The following GIGYF2 variants were observed in gnomAD, a reference collection of about 807,000 sequenced individuals.
The protein encoded by GIGYF2 is GRB10 interacting GYF protein 2.
Under a neutral mutation model 208.1 loss-of-function variants are expected in GIGYF2, and 25 were observed. The observed-to-expected ratio is 0.12, with a 90% CI of 0.09 to 0.17. The LOEUF is 0.17. Among genes scored for constraint, GIGYF2 ranks in the 10% least tolerant of loss-of-function variants. The pLI, the probability that GIGYF2 is intolerant of heterozygous loss-of-function variation, is 1.00. For missense variants in GIGYF2, 1,302 were observed against 1,579.4 expected (o/e 0.82, Z 2.98); for synonymous variants, 534 against 543.8 (o/e 0.98, Z 0.25).
chr2:232,761,191 A>G (rs1698728956), intron 7 of GIGYF2, among the ~76,000 whole-genome samples: 1 of 152,198 alleles, frequency 6.6e-6, no homozygotes, highest in Admixed American at 6.5e-5. Flanking sequence ...CAATAGAAAC[A>G]GCTTTTGGTA....
intron 8 of GIGYF2, among the ~76,000 whole-genome samples, chr2:232,777,212 A>C (rs1003156858): frequency 1.3e-5 from 2 of 152,170 alleles, no homozygotes; most frequent in Non-Finnish European, 2.9e-5. Flanking sequence ...GTGGGAAAGA[A>C]CCGAAGAATT....
intron 2 of GIGYF2, among the ~76,000 whole-genome samples, chr2:232,727,504 G>C (rs1427888011): frequency 2.0e-5 from 3 of 152,198 alleles, no homozygotes; most frequent in African/African-American, 7.2e-5. Context: ...CAGGAAATGG[G>C]AATAGCGGGG....
intron 3 of GIGYF2, chr2:232,735,797 A>C: frequency 1.0e-6 from 1 of 985,470 alleles, no homozygotes; most frequent in Non-Finnish European, 1.2e-6. Context: ...ATTCTCATGG[A>C]ATTTTGAGAT....
chr2:232,702,191 C>T (rs1279360237), intron 1 of GIGYF2, among the ~76,000 whole-genome samples: 1 of 152,112 alleles, frequency 6.6e-6, no homozygotes, highest in African/African-American at 2.4e-5. Context: ...GTAATCCCAG[C>T]ACTCTGGGAG....
intron 21 of GIGYF2, among the ~76,000 whole-genome samples, chr2:232,829,818 C>T (rs1701369593): frequency 6.6e-6 from 1 of 152,084 alleles, no homozygotes; most frequent in African/African-American, 2.4e-5. Context: ...GGGGGAGTGC[C>T]CTTAGGCAAA....
intron 16 of GIGYF2, chr2:232,810,807 C>T (rs1027565742): frequency 4.2e-5 from 8 of 191,954 alleles, no homozygotes; most frequent in Admixed American, 1.1e-4. Flanking sequence ...AAGTTGAAGA[C>T]GATCAATGTA....
intron 25 of GIGYF2, 151 bp downstream of exon 25, chr2:232,844,725 G>A: frequency 3.0e-6 from 2 of 676,794 alleles, no homozygotes; most frequent in East Asian, 2.7e-5. Flanking sequence ...CATAATTATG[G>A]TGATTGCTTT....
chr2:232,748,686 C>G (rs1023149617), intron 4 of GIGYF2, among the ~76,000 whole-genome samples: 3 of 152,204 alleles, frequency 2.0e-5, no homozygotes, highest in Admixed American at 1.3e-4. Flanking sequence ...TCATCTTCTG[C>G]TTTGCATTTA....
intron 19 of GIGYF2, among the ~76,000 whole-genome samples, chr2:232,816,171 A>G (rs1484303480): frequency 6.6e-6 from 1 of 152,208 alleles, no homozygotes; most frequent in Non-Finnish European, 1.5e-5. Context: ...GCCCGACATT[A>G]ACATTAGATT....
At position 232,800,761 on chromosome 2, in the gene GIGYF2, A is replaced by T. The variant is rs554598413; in HGVS notation, c.1639+4540A>T. Among the ~76,000 whole-genome samples the T allele has an allele frequency of 3.7e-3, 556 of 152,000 alleles. 2 individuals carry two copies. The highest frequency in any genetic ancestry group is 0.013 in the African/African-American group (537 of 41,484). ...TAATTATTTTTCTTTTTTAGAGATG[A>T]GGTTTCAGCTGACACACGCTGGCTC... On this transcript the variant is annotated intron_variant, in intron 14 of 28. Coordinates refer to ENST00000373563, the MANE Select transcript of GIGYF2 (RefSeq NM_001103146.3).
At chr2:232,770,260 A>G (rs1277331978) in intron 8 of GIGYF2, among the ~76,000 whole-genome samples, 4 of 152,162 alleles carry the variant, frequency 2.6e-5, no homozygotes, top group Non-Finnish European at 5.9e-5. Context: ...GAAATTATGT[A>G]TGTCACATAA....
At chr2:232,820,092 T>A in intron 21 of GIGYF2, 107 bp downstream of exon 21, 2 of 1,236,846 alleles carry the variant, frequency 1.6e-6, no homozygotes, top group Non-Finnish European at 1.2e-6. Context: ...TTCAGGTTGC[T>A]AAAAATTAAC....
chr2:232,792,009 A>G (rs1256184603), intron 12 of GIGYF2, among the ~76,000 whole-genome samples: 1 of 152,192 alleles, frequency 6.6e-6, no homozygotes, highest in Non-Finnish European at 1.5e-5. Flanking sequence ...ATGTCATTGT[A>G]ATGCCTGACG....
chr2:232,716,273 A>C (rs1696672711), intron 2 of GIGYF2, among the ~76,000 whole-genome samples: 1 of 151,786 alleles, frequency 6.6e-6, no homozygotes, highest in Non-Finnish European at 1.5e-5. Flanking sequence ...ACATTCTTTT[A>C]GCCTAGTAAA....
rs1702044110 is a variant in GIGYF2, at chr2:232,847,410, A to G, written c.3523A>G (p.Arg1175Gly). Residue 1175 changes from arginine to glycine, a missense_variant, in exon 27 of 29, where the codon AGG (arginine) becomes GGG (glycine). Physicochemically the swap from Arg to Gly is moderately radical, Grantham distance 125 (BLOSUM62 -2). This residue lies in a region of GIGYF2 where 701 missense variants were observed against 793.0 expected (regional missense o/e 0.88). Transcript: ENST00000373563. ...ESPYEVHDYI[R>G]AYLGDTSEAK... ...TCCTTATGAGGTCCATGATTATATCAGGGCCTATTTAGGAGATACTTCTGA... is the reference window on the plus strand; with the variant it reads ...TCCTTATGAGGTCCATGATTATATCGGGGCCTATTTAGGAGATACTTCTGA... 1.2e-6 allele frequency: 2 copies of G among 1,613,254 alleles called. No individual in the cohort carries two copies. The highest frequency in any genetic ancestry group is 1.1e-5 in the South Asian group (1 of 91,064).
chr2:232,779,504 C>G (rs1699640857), intron 8 of GIGYF2, among the ~76,000 whole-genome samples: 1 of 152,210 alleles, frequency 6.6e-6, no homozygotes, highest in Non-Finnish European at 1.5e-5. Flanking sequence ...AACGTTAGCT[C>G]TGGTCTCCAT....
At chr2:232,741,850 T>G (rs1697978011) in intron 3 of GIGYF2, among the ~76,000 whole-genome samples, 1 of 152,200 alleles carries the variant, frequency 6.6e-6, no homozygotes, top group Non-Finnish European at 1.5e-5. Context: ...TATCTCTATG[T>G]CCACTTATAT....
chr2:232,815,452 A>G (rs1700879143), intron 18 of GIGYF2, among the ~76,000 whole-genome samples, 185 bp from the exon 19 acceptor site: 1 of 152,130 alleles, frequency 6.6e-6, no homozygotes, highest in South Asian at 2.1e-4. Flanking sequence ...TTCATTCTAG[A>G]TGTGTTGAAG....
In GIGYF2 at chr2:232,794,615, A is replaced by G. The variant is rs538176604; in HGVS notation, c.1283-133A>G. 3.5e-4 allele frequency: 263 copies of G among 746,482 alleles called. 1 individual carries two copies. The highest frequency in any genetic ancestry group is 7.5e-5 in the Non-Finnish European group (31 of 413,046). The allele number at this position is 746,482 out of a possible 1,614,324, so 46.2% of individuals were successfully genotyped here. On this transcript the variant is annotated intron_variant, in intron 12 of 28. Transcript: ENST00000373563. ...GAATATTACGTTTCTCCATAGAAGTAGCTTCACTGTTCATGACAGGGCTCA... is the reference window on the plus strand; with the variant it reads ...GAATATTACGTTTCTCCATAGAAGTGGCTTCACTGTTCATGACAGGGCTCA...
Sources: allele counts gnomAD v4.1 joint callset (sites outside exome capture counted in the v4.1 genomes callset), GRCh38; gene constraint gnomAD v4.1.1; regional missense constraint gnomAD v4.1.1; transcripts MANE v1.5; gene names NCBI Gene and HGNC (gene_info 2026-07-23, HGNC 2026-07-21).